POU6F2: variants seen among roughly 807,000 people sequenced by gnomAD.
POU6F2 encodes POU domain, class 6, transcription factor 2.
POU6F2 carries 31 observed loss-of-function variants against 71.3 expected under a neutral mutation model. That is an observed-to-expected ratio of 0.43 (90% CI 0.33 to 0.59). The LOEUF is 0.59. Among genes scored for constraint, POU6F2 ranks in the 20% least tolerant of loss-of-function variants. POU6F2 has a pLI of 0.04. For missense variants in POU6F2, 783 were observed against 856.8 expected (o/e 0.91, Z 1.07); for synonymous variants, 347 against 355.7 (o/e 0.98, Z 0.27).
intron 1 of POU6F2, among the ~76,000 whole-genome samples, chr7:39,073,028 G>A (rs574141826): frequency 6.6e-6 from 1 of 152,208 alleles, no homozygotes; most frequent in South Asian, 2.1e-4. Context: ...TCTACTAGAT[G>A]GTGACTTTTT....
intron 2 of POU6F2, among the ~76,000 whole-genome samples, chr7:39,149,909 G>A (rs1178610453): frequency 2.0e-5 from 3 of 146,356 alleles, no homozygotes; most frequent in Admixed American, 7.0e-5. Context: ...TTCTTGAGAC[G>A]GAGTCTCGCT....
chr7:39,082,387 G>T lies in POU6F2; in HGVS notation c.106-3473G>T, dbSNP rs540600993. The stretch of plus-strand genomic sequence containing the variant: ...CAAAGAAGTCTCAACATCTTCTATT[G>T]TGATAGTAACAATTTCAGAGTTTCA... On this transcript the variant is annotated intron_variant, in intron 1 of 9. Transcript: ENST00000518318. 2.1e-4 allele frequency among the ~76,000 whole-genome samples: 32 copies of T among 152,242 alleles called. No homozygotes were observed. In the South Asian group the frequency reaches 6.4e-3, roughly 31 times the overall value.
chr7:39,279,227 ACT>A (rs1784516129), intron 4 of POU6F2, among the ~76,000 whole-genome samples: 2 of 151,628 alleles, frequency 1.3e-5, no homozygotes, highest in Non-Finnish European at 2.9e-5. Context: ...CCTGGAGTGC[ACT>A]CCCTTCTGCA....
At chr7:39,427,504 G>C (rs1231646470) in intron 6 of POU6F2, among the ~76,000 whole-genome samples, 1 of 152,246 alleles carries the variant, frequency 6.6e-6, no homozygotes, top group East Asian at 1.9e-4. Context: ...TCCTCTCTTA[G>C]TGTGACAGAA....
intron 4 of POU6F2, among the ~76,000 whole-genome samples, chr7:39,248,131 T>C (rs936746117): frequency 6.6e-6 from 1 of 152,166 alleles, no homozygotes; most frequent in Non-Finnish European, 1.5e-5. Flanking sequence ...CACAGTGGCA[T>C]TACTACTCTG....
At chr7:39,036,163 C>T (rs1790059711) in intron 1 of POU6F2, among the ~76,000 whole-genome samples, 1 of 151,932 alleles carries the variant, frequency 6.6e-6, no homozygotes, top group Non-Finnish European at 1.5e-5. Flanking sequence ...TATGTAGGGC[C>T]CAGATGTAGC....
In POU6F2 at chr7:38,989,320, GAATA is replaced by G. The variant is rs374637855; in HGVS notation, c.105+11270_105+11273del. ...GAGTACAGAGATGTATAAATTCTCT[GAATA>G]AATAAATTATTCTTTTGTTAAATAA... On this transcript the variant is annotated intron_variant, in intron 1 of 9. Coordinates refer to ENST00000518318, the MANE Select transcript of POU6F2 (RefSeq NM_001370959.1). Among the ~76,000 whole-genome samples, 140 of 152,026 alleles carry G rather than the reference GAATA, an allele frequency of 9.2e-4. 1 individual carries two copies. The East Asian group carries it at 0.016, about 17-fold the overall frequency.
intron 6 of POU6F2, among the ~76,000 whole-genome samples, chr7:39,417,149 A>G (rs966695273): frequency 2.6e-5 from 4 of 152,258 alleles, no homozygotes; most frequent in African/African-American, 9.6e-5. Context: ...GATGAGCATT[A>G]TCGGAGAGGA....
At chr7:39,131,700 A>G (rs796591607) in intron 2 of POU6F2, among the ~76,000 whole-genome samples, 1 of 152,216 alleles carries the variant, frequency 6.6e-6, no homozygotes, top group South Asian at 2.1e-4. Flanking sequence ...TCACTAAGTC[A>G]GGAGGTTGTG....
At chr7:39,244,685 T>C (rs1284930336) in intron 4 of POU6F2, among the ~76,000 whole-genome samples, 2 of 152,112 alleles carry the variant, frequency 1.3e-5, no homozygotes, top group Non-Finnish European at 2.9e-5. Flanking sequence ...AGAAAAATCA[T>C]AGCCTGTGGT....
At chr7:39,023,638 C>T (rs140199689) in intron 1 of POU6F2, among the ~76,000 whole-genome samples, 348 of 152,158 alleles carry the variant, frequency 2.3e-3, no homozygotes, top group African/African-American at 7.9e-3. Flanking sequence ...ATACATTTTC[C>T]ATTTTTCTTG....
At chr7:39,048,713 G>T (rs1790342820) in intron 1 of POU6F2, among the ~76,000 whole-genome samples, 1 of 151,960 alleles carries the variant, frequency 6.6e-6, no homozygotes, top group Non-Finnish European at 1.5e-5. Context: ...TAATGGGATT[G>T]CTGGGTTTCA....
intron 2 of POU6F2, among the ~76,000 whole-genome samples, chr7:39,125,678 T>A (rs1357825027): frequency 6.6e-6 from 1 of 152,132 alleles, no homozygotes; most frequent in East Asian, 1.9e-4. Flanking sequence ...TTTGCATTTT[T>A]TGTATTTATT....
intron 2 of POU6F2, among the ~76,000 whole-genome samples, chr7:39,122,704 A>ATTTTTT (rs1199309217): frequency 8.5e-6 from 1 of 117,148 alleles, no homozygotes; most frequent in Non-Finnish European, 1.8e-5. Flanking sequence ...ATGCATGCCT[A>ATTTTTT]TTTTTTTTTT....
chr7:39,181,173 A>G (rs1447037196), intron 2 of POU6F2, among the ~76,000 whole-genome samples: 2 of 152,086 alleles, frequency 1.3e-5, no homozygotes, highest in Non-Finnish European at 2.9e-5. Context: ...CACCCTACAC[A>G]TGATGGCATC....
At chr7:39,038,535 T>C (rs1002077101) in intron 1 of POU6F2, among the ~76,000 whole-genome samples, 2 of 152,036 alleles carry the variant, frequency 1.3e-5, no homozygotes, top group African/African-American at 4.8e-5. Flanking sequence ...CTCAGATCTC[T>C]GAAAATTTAG....
intron 5 of POU6F2, among the ~76,000 whole-genome samples, chr7:39,347,352 A>G (rs1786050757): frequency 6.6e-6 from 1 of 152,164 alleles, no homozygotes; most frequent in Non-Finnish European, 1.5e-5. Context: ...ACAAAAACCC[A>G]TAGTAGCTAG....
intron 2 of POU6F2, among the ~76,000 whole-genome samples, chr7:39,184,494 TC>T (rs796197756): frequency 2.0e-5 from 3 of 152,294 alleles, no homozygotes; most frequent in African/African-American, 7.2e-5. Context: ...ATTACCAGCT[TC>T]TCAACACTAG....
intron 1 of POU6F2, among the ~76,000 whole-genome samples, chr7:39,038,419 A>G (rs929136100): frequency 1.3e-5 from 2 of 152,020 alleles, no homozygotes; most frequent in Non-Finnish European, 1.5e-5. Context: ...TATTTTGCCT[A>G]AAATAAATGT....
Sources: gnomAD v4.1 joint callset for allele counts (sites outside exome capture counted in the v4.1 genomes callset) on GRCh38, gnomAD v4.1.1 for gene constraint, MANE v1.5 for transcripts, NCBI Gene and HGNC (gene_info 2026-07-23, HGNC 2026-07-21) for gene names.